Variants in EPHA6 observed in about 807,000 individuals in gnomAD.
The protein encoded by EPHA6 is EPH receptor A6.
In EPHA6, 50 loss-of-function variants were observed where a neutral mutation model predicts 112.0. The observed-to-expected ratio is 0.45, with a 90% CI of 0.36 to 0.56. The LOEUF (loss-of-function observed/expected upper bound fraction) is 0.56. Ranked by LOEUF, EPHA6 falls within the 20% of genes least tolerant of loss-of-function variation. EPHA6 has a pLI of 0.00. For synonymous variants in EPHA6, 529 were observed against 490.7 expected, an observed-to-expected ratio of 1.08 and a Z score of -1.03; for missense variants, 1,280 against 1,417.4, an observed-to-expected ratio of 0.90 and a Z score of 1.56.
chr3:97,374,253 G>T (rs2085221371), intron 5 of EPHA6, among the ~76,000 whole-genome samples: 1 of 151,960 alleles, frequency 6.6e-6, no homozygotes, highest in Non-Finnish European at 1.5e-5. Flanking sequence ...TAATCAGCCA[G>T]ACTCAAAACT....
intron 11 of EPHA6, among the ~76,000 whole-genome samples, chr3:97,592,373 A>T (rs1560169384): frequency 6.6e-6 from 1 of 152,226 alleles, no homozygotes; most frequent in Non-Finnish European, 1.5e-5. Flanking sequence ...TGGAAATTGT[A>T]TCTAGCACTC....
At chr3:96,867,451 T>A (rs1446926686) in intron 2 of EPHA6, among the ~76,000 whole-genome samples, 4 of 151,860 alleles carry the variant, frequency 2.6e-5, no homozygotes, top group Non-Finnish European at 5.9e-5. Context: ...ACCAACATTT[T>A]AGCTATGGTT....
At chr3:97,345,448 C>T (rs987699070) in intron 5 of EPHA6, among the ~76,000 whole-genome samples, 3 of 152,052 alleles carry the variant, frequency 2.0e-5, no homozygotes, top group Non-Finnish European at 4.4e-5. Context: ...ATAACTGACA[C>T]ATAAAAGGAC....
chr3:97,321,951 A>G (rs2082142266), intron 5 of EPHA6, among the ~76,000 whole-genome samples: 1 of 152,066 alleles, frequency 6.6e-6, no homozygotes, highest in Non-Finnish European at 1.5e-5. Flanking sequence ...TTTAAGTGCA[A>G]GGCACTTCTA....
intron 6 of EPHA6, among the ~76,000 whole-genome samples, chr3:97,419,360 A>T (rs1171945979): frequency 6.6e-6 from 1 of 152,098 alleles, no homozygotes; most frequent in Non-Finnish European, 1.5e-5. Context: ...ACGGTGGCTT[A>T]CGTCTGTAAT....
intron 2 of EPHA6, among the ~76,000 whole-genome samples, chr3:96,868,390 G>A (rs540251993): frequency 1.3e-5 from 2 of 151,864 alleles, no homozygotes; most frequent in South Asian, 4.1e-4. Flanking sequence ...GAAGAACTTG[G>A]GAAAGAGGCT....
At chr3:97,653,459 C>A (rs1268440862) in intron 14 of EPHA6, among the ~76,000 whole-genome samples, 2 of 151,918 alleles carry the variant, frequency 1.3e-5, no homozygotes, top group Non-Finnish European at 2.9e-5. Context: ...TAAGATATCA[C>A]CTCATACCTA....
chr3:97,462,780 T>C lies in EPHA6; in HGVS notation c.1895-12572T>C, dbSNP rs886147761. Among the ~76,000 whole-genome samples, 21 of 152,290 alleles carry C rather than the reference T, an allele frequency of 1.4e-4. No individual in the cohort carries two copies. In the South Asian group the frequency reaches 4.3e-3, roughly 32 times the overall value. On this transcript the variant is annotated intron_variant, in intron 7 of 17. Transcript: ENST00000389672. ...ATCACATTTTGTTTACTGAGCATAA[T>C]AACTGAAAAGAAGGCTACTCCATTC...
intron 3 of EPHA6, among the ~76,000 whole-genome samples, chr3:97,046,475 A>G (rs1299127441): frequency 1.3e-5 from 2 of 152,314 alleles, no homozygotes; most frequent in East Asian, 3.9e-4. Context: ...GTTTAGAAGA[A>G]TTGAAAGACA....
At chr3:97,315,140 T>A (rs1280005852) in intron 5 of EPHA6, among the ~76,000 whole-genome samples, 1 of 151,652 alleles carries the variant, frequency 6.6e-6, no homozygotes, top group Non-Finnish European at 1.5e-5. Flanking sequence ...ATTCCAATGA[T>A]CTTTTACTAG....
At chr3:96,982,787 T>G (rs551833973) in intron 2 of EPHA6, among the ~76,000 whole-genome samples, 4 of 152,342 alleles carry the variant, frequency 2.6e-5, no homozygotes, top group African/African-American at 9.6e-5. Flanking sequence ...CTTGTTGAAT[T>G]GATCCCTTTA....
intron 5 of EPHA6, among the ~76,000 whole-genome samples, chr3:97,353,498 G>A (rs961780596): frequency 2.6e-5 from 4 of 151,498 alleles, no homozygotes. Context: ...CTTGTCACAG[G>A]CCTAGAGTGG....
At chr3:97,256,446 A>T (rs1252738097) in intron 5 of EPHA6, among the ~76,000 whole-genome samples, 1 of 152,024 alleles carries the variant, frequency 6.6e-6, no homozygotes, top group Non-Finnish European at 1.5e-5. Flanking sequence ...AGGTCAAAAA[A>T]TGCAAAATCA....
Position 97,751,412 on chromosome 3 carries a change from T to G in EPHA6, c.*2711T>G, listed in dbSNP as rs1402181298. Among the ~76,000 whole-genome samples the G allele has an allele frequency of 6.6e-6, 1 of 152,148 alleles. No homozygotes were observed. The highest frequency in any genetic ancestry group is 6.5e-5 in the Admixed American group (1 of 15,278). On this transcript the variant is annotated 3_prime_UTR_variant, in exon 18 of 18. Transcript: ENST00000389672. Reference sequence around the variant, plus strand: ...CAAAATTCCTTTTAAATTATAATTTTATTTTTCAGAATGGTAAGCATGATA... The same window carrying G: ...CAAAATTCCTTTTAAATTATAATTTGATTTTTCAGAATGGTAAGCATGATA...
At position 96,871,913 on chromosome 3, in the gene EPHA6, G is replaced by A. The variant is rs1260114896; in HGVS notation, c.450+5024G>A. ...AGATGTGAGATTTCAGTGTGGTAAC[G>A]GCCTCTTAAAAGATGCTGAATCGAA... On this transcript the variant is annotated intron_variant, in intron 2 of 17. Transcript: ENST00000389672. Among the ~76,000 whole-genome samples the A allele has an allele frequency of 5.3e-5, 8 of 151,882 alleles. No individual in the cohort carries two copies. In the South Asian group the frequency reaches 6.2e-4, roughly 12 times the overall value.
At chr3:97,160,272 A>G (rs2076382036) in intron 3 of EPHA6, among the ~76,000 whole-genome samples, 1 of 151,736 alleles carries the variant, frequency 6.6e-6, no homozygotes, top group Non-Finnish European at 1.5e-5. Context: ...TAGGACACAA[A>G]TATCTTCACT....
At chr3:97,673,706 A>C (rs1485109736) in intron 14 of EPHA6, among the ~76,000 whole-genome samples, 1 of 152,320 alleles carries the variant, frequency 6.6e-6, no homozygotes, top group Admixed American at 6.5e-5. Flanking sequence ...CCATTGACCA[A>C]GTCCATCTTT....
intron 3 of EPHA6, among the ~76,000 whole-genome samples, chr3:97,073,570 TTTAAAACTAAATTTG>T (rs2046423778): frequency 1.3e-5 from 2 of 152,254 alleles, no homozygotes; most frequent in East Asian, 1.9e-4. Flanking sequence ...CAATCAGTTA[TTTAAAACTAAATTTG>T]TTAAAACATC....
At chr3:97,370,874 G>A (rs982954576) in intron 5 of EPHA6, among the ~76,000 whole-genome samples, 1 of 152,096 alleles carries the variant, frequency 6.6e-6, no homozygotes, top group Non-Finnish European at 1.5e-5. Context: ...AAGATTAAGA[G>A]TTTTTGCAGG....
Sources: gnomAD v4.1 joint callset for allele counts (sites outside exome capture counted in the v4.1 genomes callset) on GRCh38, gnomAD v4.1.1 for gene constraint, MANE v1.5 for transcripts, NCBI Gene and HGNC (gene_info 2026-07-23, HGNC 2026-07-21) for gene names.